SYT13: variants seen among roughly 807,000 people sequenced by gnomAD.
SYT13 encodes the protein synaptotagmin-13.
SYT13 carries 21 observed loss-of-function variants against 38.6 expected under a neutral mutation model. That is an observed-to-expected ratio of 0.54 (90% CI 0.39 to 0.78). SYT13 has a LOEUF of 0.78. Ranked by LOEUF, SYT13 falls within the 30% of genes least tolerant of loss-of-function variation. The pLI is 0.00. For synonymous variants in SYT13, 241 were observed against 237.6 expected, an observed-to-expected ratio of 1.01 and a Z score of -0.13; for missense variants, 495 against 548.7, an observed-to-expected ratio of 0.90 and a Z score of 0.98.
chr11:45,263,215 G>C (rs1265349600), intron 1 of SYT13, among the ~76,000 whole-genome samples: 1 of 152,180 alleles, frequency 6.6e-6, no homozygotes, highest in Non-Finnish European at 1.5e-5. Context: ...CTACAGGCCA[G>C]GTCCTATGCT....
At chr11:45,247,991 C>T (rs1461637192) in intron 4 of SYT13, among the ~76,000 whole-genome samples, 1 of 152,162 alleles carries the variant, frequency 6.6e-6, no homozygotes, top group African/African-American at 2.4e-5. Context: ...TTATTAATAA[C>T]CCAGAATAAG....
chr11:45,247,639 G>A (rs1313128675), intron 4 of SYT13, among the ~76,000 whole-genome samples: 2 of 152,182 alleles, frequency 1.3e-5, no homozygotes, highest in East Asian at 1.9e-4. Context: ...CACCCAGGAT[G>A]TCTGTTCATC....
intron 1 of SYT13, among the ~76,000 whole-genome samples, chr11:45,283,724 C>T (rs1855100966): frequency 6.6e-6 from 1 of 152,146 alleles, no homozygotes; most frequent in Admixed American, 6.5e-5. Context: ...TTTATTGTGC[C>T]CCTATTGAGC....
At chr11:45,278,482 G>C (rs576116948) in intron 1 of SYT13, among the ~76,000 whole-genome samples, 1 of 151,964 alleles carries the variant, frequency 6.6e-6, no homozygotes, top group Non-Finnish European at 1.5e-5. Context: ...TTCTGCCTTT[G>C]CTTGGGCCCC....
At chr11:45,253,703 C>T (rs988258551) in intron 3 of SYT13, among the ~76,000 whole-genome samples, 15 of 152,184 alleles carry the variant, frequency 9.9e-5, no homozygotes, top group African/African-American at 2.4e-5. Context: ...CCATTCGGAA[C>T]ATGCTGTGTG....
chr11:45,278,090 A>C (rs150938566), intron 1 of SYT13, among the ~76,000 whole-genome samples: 1 of 152,234 alleles, frequency 6.6e-6, no homozygotes, highest in Non-Finnish European at 1.5e-5. Context: ...TATTAGTTCC[A>C]TTATTTCTTA....
rs966222529 is a variant in SYT13, at chr11:45,286,309, C to A, written c.-102G>T. The A allele has an allele frequency of 3.0e-6, 4 of 1,345,726 alleles. No homozygotes were observed. The South Asian group carries it at 4.6e-5, about 16-fold the overall frequency. 83.4% of individuals were successfully genotyped at this position (1,345,726 alleles called of 1,614,324 possible). The stretch of plus-strand genomic sequence containing the variant: ...CCGGGATCCGGGCGAGCCAGCAGCT[C>A]TCCCGCCGCCAGAGGGGCGGGGACG... On this transcript the variant is annotated 5_prime_UTR_variant, in exon 1 of 6. Coordinates refer to ENST00000020926, the MANE Select transcript of SYT13 (RefSeq NM_020826.3).
chr11:45,281,679 A>AAAG (rs77070645), intron 1 of SYT13, among the ~76,000 whole-genome samples: 43,894 of 149,400 alleles, frequency 0.29, 6,693 homozygotes, highest in South Asian at 0.39. Flanking sequence ...AAAAAAAAAA[A>AAAG]AAAAATTGGT....
At chr11:45,271,260 T>C (rs983810588) in intron 1 of SYT13, among the ~76,000 whole-genome samples, 4 of 152,180 alleles carry the variant, frequency 2.6e-5, no homozygotes, top group Non-Finnish European at 5.9e-5. Context: ...TTCAAACTTA[T>C]GAAAAGATAG....
intron 1 of SYT13, among the ~76,000 whole-genome samples, chr11:45,274,275 C>T (rs2135907692): frequency 6.6e-6 from 1 of 152,308 alleles, no homozygotes; most frequent in South Asian, 2.1e-4. Flanking sequence ...AGGCACCTAA[C>T]CTCACGTTCA....
chr11:45,266,329 T>A (rs1266762028), intron 1 of SYT13, among the ~76,000 whole-genome samples: 1 of 152,202 alleles, frequency 6.6e-6, no homozygotes, highest in Non-Finnish European at 1.5e-5. Context: ...CAATTGGGGA[T>A]CTTTCTCCAA....
At chr11:45,273,986 C>G (rs1479787241) in intron 1 of SYT13, among the ~76,000 whole-genome samples, 7 of 152,158 alleles carry the variant, frequency 4.6e-5, no homozygotes, top group Non-Finnish European at 1.0e-4. Flanking sequence ...TCCATATAAC[C>G]TTAGAGAACC....
intron 1 of SYT13, among the ~76,000 whole-genome samples, chr11:45,260,161 T>C (rs751196): frequency 0.32 from 49,282 of 152,030 alleles, 8,121 homozygotes; most frequent in South Asian, 0.4. Context: ...TCATTTGCTG[T>C]TTATTCTTAT....
chr11:45,256,060 C>T (rs897745883), intron 1 of SYT13, among the ~76,000 whole-genome samples, 169 bp from the exon 2 acceptor site: 2 of 152,100 alleles, frequency 1.3e-5, no homozygotes, highest in Non-Finnish European at 1.5e-5. Context: ...CATCTCCAAA[C>T]CCACTCAAAT....
chr11:45,264,360 A>G (rs922659545), intron 1 of SYT13, among the ~76,000 whole-genome samples: 12 of 152,194 alleles, frequency 7.9e-5, no homozygotes, highest in African/African-American at 2.4e-4. Context: ...TGAGAAGACA[A>G]TGCTTCTAAG....
chr11:45,256,354 A>G (rs967493249), intron 1 of SYT13, among the ~76,000 whole-genome samples: 34 of 151,928 alleles, frequency 2.2e-4, no homozygotes, highest in African/African-American at 7.5e-4. Flanking sequence ...ATCGCCCCCA[A>G]TCCTTCCTTT....
At chr11:45,258,781 TGGG>T (rs1032176409) in intron 1 of SYT13, among the ~76,000 whole-genome samples, 3 of 152,028 alleles carry the variant, frequency 2.0e-5, no homozygotes, top group African/African-American at 7.3e-5. Context: ...AGACCGGGCT[TGGG>T]GGAGTAAAAG....
chr11:45,247,449 G>T (rs1854626576), intron 4 of SYT13, among the ~76,000 whole-genome samples: 1 of 152,196 alleles, frequency 6.6e-6, no homozygotes, highest in South Asian at 2.1e-4. Flanking sequence ...TGGGAGTGGG[G>T]GAAGGCCCCA....
Position 45,252,820 on chromosome 11 carries a change from G to A in SYT13, c.545-98C>T, listed in dbSNP as rs1318410073. On this transcript the variant is annotated intron_variant, in intron 3 of 5. Transcript: ENST00000020926. The surrounding 1 kb of genome is among the most constrained non-coding windows in gnomAD (Gnocchi z 4.3). Reference sequence around the variant, plus strand: ...TTAGGGCTGTGGAATCCAGCTTAACGACGTGACCTTGGGTGTCAGAAAGGC... The same window carrying A: ...TTAGGGCTGTGGAATCCAGCTTAACAACGTGACCTTGGGTGTCAGAAAGGC... 6 of 1,359,004 alleles carry A rather than the reference G, an allele frequency of 4.4e-6. No individual in the cohort carries two copies. The highest frequency in any genetic ancestry group is 2.4e-5 in the East Asian group (1 of 41,000). 84.2% of individuals were successfully genotyped at this position (1,359,004 alleles called of 1,614,324 possible).
Sources: gnomAD v4.1 joint callset for allele counts (sites outside exome capture counted in the v4.1 genomes callset) on GRCh38, gnomAD v4.1.1 for gene constraint, Gnocchi (gnomAD v3.1) non-coding constraint, MANE v1.5 for transcripts, NCBI Gene and HGNC (gene_info 2026-07-23, HGNC 2026-07-21) for gene names.